The following GULP1 variants were observed in gnomAD, a reference collection of about 807,000 sequenced individuals.
GULP1 encodes GULP PTB domain containing engulfment adaptor 1.
GULP1 carries 19 observed loss-of-function variants against 40.9 expected under a neutral mutation model. That is an observed-to-expected ratio of 0.46 (90% CI 0.32 to 0.68). The LOEUF (loss-of-function observed/expected upper bound fraction) is 0.68, where lower values mean the gene tolerates loss of function less well. Ranked by LOEUF, GULP1 falls within the 30% of genes least tolerant of loss-of-function variation. The pLI, the probability that GULP1 is intolerant of heterozygous loss-of-function variation, is 0.03. For synonymous variants in GULP1, 119 were observed against 117.6 expected, an observed-to-expected ratio of 1.01 and a Z score of -0.08; for missense variants, 312 against 362.2, an observed-to-expected ratio of 0.86 and a Z score of 1.12.
chr2:188,410,044 A>G (rs967992459), intron 2 of GULP1, among the ~76,000 whole-genome samples: 1 of 152,216 alleles, frequency 6.6e-6, no homozygotes, highest in African/African-American at 2.4e-5. Flanking sequence ...AAATTCCCAC[A>G]TTTACAGTTA....
At chr2:188,409,038 G>C (rs2053519195) in intron 2 of GULP1, among the ~76,000 whole-genome samples, 2 of 151,882 alleles carry the variant, frequency 1.3e-5, no homozygotes, top group Admixed American at 1.3e-4. Flanking sequence ...TATCAAAAAA[G>C]AAAGAAAAAG....
chr2:188,573,392 T>A (rs940448091), intron 9 of GULP1, among the ~76,000 whole-genome samples: 1 of 152,216 alleles, frequency 6.6e-6, no homozygotes, highest in African/African-American at 2.4e-5. Context: ...ATTATTGAAT[T>A]TGAAAAACAG....
intron 1 of GULP1, among the ~76,000 whole-genome samples, chr2:188,302,563 A>T (rs2036315021): frequency 6.6e-6 from 1 of 152,210 alleles, no homozygotes; most frequent in African/African-American, 2.4e-5. Context: ...ATTTTAAAAA[A>T]TGGTAAACTA....
chr2:188,457,651 T>C (rs2059376365), intron 2 of GULP1, among the ~76,000 whole-genome samples: 1 of 152,214 alleles, frequency 6.6e-6, no homozygotes, highest in South Asian at 2.1e-4. Flanking sequence ...ATAACTGATG[T>C]AGTTTTTAAG....
intron 2 of GULP1, among the ~76,000 whole-genome samples, chr2:188,418,788 TGAC>T (rs1222908088): frequency 2.1e-4 from 32 of 152,252 alleles, no homozygotes; most frequent in Admixed American, 1.0e-3. Flanking sequence ...ACATTATTGT[TGAC>T]TATAGCTACA....
At position 188,440,199 on chromosome 2, in the gene GULP1, T is replaced by A. The variant is rs569997187; in HGVS notation, c.-44-37460T>A. Among the ~76,000 whole-genome samples the A allele has an allele frequency of 7.2e-5, 11 of 152,266 alleles. No homozygotes were observed. The South Asian group carries it at 2.1e-3, about 29-fold the overall frequency. On this transcript the variant is annotated intron_variant, in intron 2 of 11. Transcript: ENST00000409830. ...ACAGTGTTCATTAGATAAAAACAAA[T>A]CTATTGTTGGGAAGCTGTAGCAGTC...
At chr2:188,422,937 G>A (rs537884852) in intron 2 of GULP1, among the ~76,000 whole-genome samples, 1 of 152,176 alleles carries the variant, frequency 6.6e-6, no homozygotes, top group South Asian at 2.1e-4. Flanking sequence ...GTTTCCAGAT[G>A]CCTGTACTCT....
intron 2 of GULP1, among the ~76,000 whole-genome samples, chr2:188,439,566 A>G (rs1247642680): frequency 6.6e-6 from 1 of 152,096 alleles, no homozygotes; most frequent in East Asian, 1.9e-4. Context: ...ATGTGTGTAC[A>G]CATATACACA....
chr2:188,479,459 A>G (rs981472013), intron 3 of GULP1, among the ~76,000 whole-genome samples: 3 of 152,072 alleles, frequency 2.0e-5, no homozygotes, highest in African/African-American at 7.2e-5. Flanking sequence ...TTTGTTTTAT[A>G]TAGAGATAGG....
chr2:188,333,532 A>G (rs1213648157), intron 1 of GULP1, among the ~76,000 whole-genome samples: 1 of 152,132 alleles, frequency 6.6e-6, no homozygotes, highest in Non-Finnish European at 1.5e-5. Flanking sequence ...GTAAACTCTT[A>G]TCTTCTCTTT....
intron 1 of GULP1, among the ~76,000 whole-genome samples, chr2:188,325,698 T>A (rs2040658312): frequency 6.6e-6 from 1 of 152,098 alleles, no homozygotes; most frequent in Admixed American, 6.6e-5. Context: ...GTTTGACTAA[T>A]AGGGCAGGGA....
At chr2:188,402,471 T>C (rs892732580) in intron 2 of GULP1, among the ~76,000 whole-genome samples, 2 of 152,192 alleles carry the variant, frequency 1.3e-5, no homozygotes, top group African/African-American at 4.8e-5. Flanking sequence ...ACTCTAGTAA[T>C]AGATATACTA....
Position 188,488,708 on chromosome 2 carries a change from G to A in GULP1, c.90+5216G>A, listed in dbSNP as rs540580318. On this transcript the variant is annotated intron_variant, in intron 4 of 11. Transcript: ENST00000409830. ...TGAAGCACAACAGGAGACTCAATAC[G>A]GCCACCTTGGTGGAATTATATGCAA... Among the ~76,000 whole-genome samples the A allele has an allele frequency of 2.1e-4, 32 of 152,118 alleles. 1 individual carries two copies. In the South Asian group the frequency reaches 4.6e-3, roughly 22 times the overall value.
Position 188,291,898 on chromosome 2 carries a change from G to A in GULP1, c.-440G>A, listed in dbSNP as rs2033851147. The A allele has an allele frequency of 6.6e-6, 1 of 152,220 alleles. No individual in the cohort carries two copies. Among genetic ancestry groups the A allele is most frequent in the Non-Finnish European group, 1.5e-5 (1 of 68,168 alleles). The allele number at this position is 152,220 out of a possible 1,614,324, so 9.4% of individuals were successfully genotyped here. On this transcript the variant is annotated 5_prime_UTR_variant, in exon 1 of 12. Transcript: ENST00000409830. ...CGTTCCCGGCCGGGAGCGACCCGGAGTCCCCAGCCCCGCGTCCCAGCTGCC... is the reference window on the plus strand; with the variant it reads ...CGTTCCCGGCCGGGAGCGACCCGGAATCCCCAGCCCCGCGTCCCAGCTGCC...
At chr2:188,359,898 C>T (rs141087390) in intron 1 of GULP1, among the ~76,000 whole-genome samples, 91 of 152,142 alleles carry the variant, frequency 6.0e-4, no homozygotes, top group Non-Finnish European at 8.1e-4. Context: ...TATATTAGAG[C>T]TATTACACAG....
At chr2:188,388,428 A>T (rs2050077605) in intron 2 of GULP1, among the ~76,000 whole-genome samples, 1 of 151,524 alleles carries the variant, frequency 6.6e-6, no homozygotes, top group Non-Finnish European at 1.5e-5. Flanking sequence ...TTGTAGTCCC[A>T]GCTCCTTGAG....
chr2:188,344,036 C>T lies in GULP1; in HGVS notation c.-171-39727C>T, dbSNP rs149304812. ...GTTGGCCAGGCTGGCCTCGAACTCC[C>T]GACCTCAAGTGAGCCCCCGCCTCAG... is the stretch of plus-strand genomic sequence containing the variant. On this transcript the variant is annotated intron_variant, in intron 1 of 11. Transcript: ENST00000409830. 7.8e-3 allele frequency among the ~76,000 whole-genome samples: 1,184 copies of T among 152,082 alleles called. 18 individuals are homozygous for T. The highest frequency in any genetic ancestry group is 0.027 in the African/African-American group (1,134 of 41,508).
intron 1 of GULP1, among the ~76,000 whole-genome samples, chr2:188,372,032 T>C (rs745602395): frequency 6.6e-6 from 1 of 152,130 alleles, no homozygotes; most frequent in Non-Finnish European, 1.5e-5. Flanking sequence ...AACTATGAGA[T>C]TGGAAGACTT....
chr2:188,449,100 A>G (rs1048062101), intron 2 of GULP1, among the ~76,000 whole-genome samples: 1 of 152,206 alleles, frequency 6.6e-6, no homozygotes, highest in East Asian at 1.9e-4. Context: ...AAGTGCCTAG[A>G]TGTTCAGATC....
Sources: gnomAD v4.1 joint callset for allele counts (sites outside exome capture counted in the v4.1 genomes callset) on GRCh38, gnomAD v4.1.1 for gene constraint, MANE v1.5 for transcripts, NCBI Gene and HGNC (gene_info 2026-07-23, HGNC 2026-07-21) for gene names.